Variants in EXD3 observed in about 807,000 individuals in gnomAD.
The protein encoded by EXD3 is exonuclease mut-7 homolog.
EXD3 carries 92 observed loss-of-function variants against 98.0 expected under a neutral mutation model. The ratio of observed to expected loss-of-function variants is 0.94; its 90% CI spans 0.79 to 1.12. The LOEUF is 1.12. Ranked by LOEUF, EXD3 falls within the 50% of genes most tolerant of loss-of-function variation. EXD3 has a pLI of 0.00. For missense variants in EXD3, 1,222 were observed against 1,191.6 expected (o/e 1.03, Z -0.38); for synonymous variants, 569 against 526.0 (o/e 1.08, Z -1.12).
At chr9:137,345,078 C>T (rs2119197101) in intron 17 of EXD3, among the ~76,000 whole-genome samples, 1 of 152,394 alleles carries the variant, frequency 6.6e-6, no homozygotes, top group East Asian at 1.9e-4. Context: ...CACCCAGGTT[C>T]ACCTGACAAA....
At chr9:137,307,914 G>T (rs1831132380) in intron 20 of EXD3, among the ~76,000 whole-genome samples, 1 of 152,100 alleles carries the variant, frequency 6.6e-6, no homozygotes, top group Non-Finnish European at 1.5e-5. Context: ...CGCGAGATCT[G>T]CTGATTAGGG....
chr9:137,399,857 C>T (rs78894175), intron 1 of EXD3, among the ~76,000 whole-genome samples: 10 of 151,846 alleles, frequency 6.6e-5, no homozygotes, highest in African/African-American at 2.2e-4. Flanking sequence ...GCCAACATGG[C>T]GAAACCCTGT....
At chr9:137,383,782 A>G (rs1836446638) in intron 2 of EXD3, among the ~76,000 whole-genome samples, 1 of 151,976 alleles carries the variant, frequency 6.6e-6, no homozygotes, top group South Asian at 2.1e-4. Flanking sequence ...CACCACGAGG[A>G]CCCCAAGCCC....
intron 3 of EXD3, chr9:137,377,224 C>A (rs1310456118): frequency 6.6e-6 from 1 of 152,018 alleles, no homozygotes; most frequent in Non-Finnish European, 1.5e-5. Flanking sequence ...CGAGGCAGGC[C>A]GATGGCTTGA....
intron 1 of EXD3, among the ~76,000 whole-genome samples, chr9:137,420,751 A>G (rs1025014518): frequency 3.2e-5 from 3 of 94,354 alleles, no homozygotes; most frequent in African/African-American, 9.1e-5. Flanking sequence ...CCCCCCCCAA[A>G]TTCATACAGG....
rs905499578 is a variant in EXD3, at chr9:137,330,555, A to C, written c.1999-6412T>G. ...GCTATACAGGAGCTACACAGGAGCTACACAGGGCTCCACAGGAGCTACACA... is the reference window on the plus strand; with the variant it reads ...GCTATACAGGAGCTACACAGGAGCTCCACAGGGCTCCACAGGAGCTACACA... On this transcript the variant is annotated intron_variant, in intron 17 of 21. Transcript: ENST00000340951. 4.4e-5 allele frequency among the ~76,000 whole-genome samples: 6 copies of C among 136,702 alleles called. 1 individual carries two copies. Among genetic ancestry groups the C allele is most frequent in the African/African-American group, 8.7e-5 (3 of 34,386 alleles). 89.7% of individuals were successfully genotyped at this position (136,702 alleles called of 152,430 possible).
At chr9:137,354,126 G>C in intron 10 of EXD3, 1 of 1,405,856 alleles carries the variant, frequency 7.1e-7, no homozygotes, top group South Asian at 1.6e-5. Flanking sequence ...GCCCAGTCAG[G>C]CTCTACTGAT....
In EXD3 at chr9:137,323,791, C is replaced by G. The variant is rs1048416358; in HGVS notation, c.2118G>C (p.Gln706His). ...TGAAATGCTTGAGCACAGCCTTGGC[C>G]TGCTGCTGGGCCTTCAGGGAGCAGT... ...SVDCSLKAQQ[Q>H]AKAVLKHFNV... The change falls in exon 19 of 22, where the codon CAG (glutamine) becomes CAC (histidine). Residue 706 changes from glutamine (Q) to histidine (H), a missense_variant. Physicochemically the swap from Gln to His is conservative, Grantham distance 24. Coordinates refer to ENST00000340951, the MANE Select transcript of EXD3 (RefSeq NM_017820.5). The G allele has an allele frequency of 1.1e-5, 17 of 1,612,266 alleles. No individual in the cohort carries two copies. Among genetic ancestry groups the G allele is most frequent in the Non-Finnish European group, 1.4e-5 (17 of 1,179,768 alleles).
chr9:137,338,218 A>G (rs920020193), intron 17 of EXD3, among the ~76,000 whole-genome samples: 1 of 152,246 alleles, frequency 6.6e-6, no homozygotes, highest in Non-Finnish European at 1.5e-5. Context: ...TAGGTTAGAA[A>G]TCATTTTTAA....
intron 18 of EXD3, 41 bp from the exon 19 acceptor site, chr9:137,323,897 C>T: frequency 1.3e-6 from 2 of 1,572,578 alleles, no homozygotes; most frequent in Non-Finnish European, 1.7e-6. Flanking sequence ...CAGTGCAGAG[C>T]CCAGCACCTG....
chr9:137,323,645 G>T (rs886593693), intron 19 of EXD3, 80 bp downstream of exon 19: 2 of 1,558,656 alleles, frequency 1.3e-6, no homozygotes, highest in Non-Finnish European at 1.7e-6. Context: ...ACTGTCTAGG[G>T]TGGGGCCCAC....
chr9:137,398,713 A>G (rs1445851319), intron 1 of EXD3, among the ~76,000 whole-genome samples: 3 of 110,794 alleles, frequency 2.7e-5, no homozygotes, highest in Non-Finnish European at 6.6e-5. Flanking sequence ...ACACACGTGC[A>G]CCCGCATCCC....
Position 137,352,068 on chromosome 9 carries a change from G to A in EXD3, c.1171C>T (p.Gln391Ter). 3 of 1,610,992 alleles carry A rather than the reference G, an allele frequency of 1.9e-6. No homozygotes were observed. Among genetic ancestry groups the A allele is most frequent in the Non-Finnish European group, 2.5e-6 (3 of 1,179,134 alleles). Residue 391 changes from glutamine to a stop codon, truncating the protein, a stop_gained and splice_region_variant, in exon 12 of 22, where the codon CAG becomes TAG. Coordinates refer to ENST00000340951, the MANE Select transcript of EXD3 (RefSeq NM_017820.5). LOFTEE classifies it high-confidence loss of function. The part of the protein sequence containing the change: ...DLTRHEGALL[Q>*]CHQVVGVDVE... ...GCCCCAGCGGCCGAGGGAACCACCT[G>A]CAGGAGTGCACCCTCGTGTCTGGTC... is the stretch of plus-strand genomic sequence containing the variant.
chr9:137,326,921 C>CA lies in EXD3; in HGVS notation c.1999-2779dup, dbSNP rs745947542. On this transcript the variant is annotated intron_variant, in intron 17 of 21. Coordinates refer to ENST00000340951, the MANE Select transcript of EXD3 (RefSeq NM_017820.5). ...CATCAGTGTTCGTAGCAGCCACATT[C>CA]AAAAAAAAAAAGGAAGGACGTTCCG... is the stretch of plus-strand genomic sequence containing the variant. 6.8e-3 allele frequency among the ~76,000 whole-genome samples: 955 copies of CA among 140,846 alleles called. 4 individuals carry two copies. Among genetic ancestry groups the CA allele is most frequent in the Middle Eastern group, 0.011 (3 of 282 alleles). The allele number at this position is 140,846 out of a possible 152,430, so 92.4% of individuals were successfully genotyped here.
chr9:137,415,799 A>T (rs752647908), intron 1 of EXD3, among the ~76,000 whole-genome samples: 1 of 152,252 alleles, frequency 6.6e-6, no homozygotes, highest in African/African-American at 2.4e-5. Flanking sequence ...AATGATAAAC[A>T]GCATTTAAAA....
intron 19 of EXD3, among the ~76,000 whole-genome samples, chr9:137,316,185 T>G (rs1449905001): frequency 1.3e-5 from 2 of 150,010 alleles, no homozygotes; most frequent in African/African-American, 2.5e-5. Context: ...CGTGGGAAAG[T>G]GGGAGGAGGG....
At position 137,327,600 on chromosome 9, in the gene EXD3, CAG is replaced by C. The variant is rs1050882455; in HGVS notation, c.1999-3459_1999-3458del. ...ACAAAAAGAAAGAAAAAAAGGGAAA[CAG>C]AAAGTAGTTACTTCGTGGTAATAAC... is the stretch of plus-strand genomic sequence containing the variant. On this transcript the variant is annotated intron_variant, in intron 17 of 21. Coordinates refer to ENST00000340951, the MANE Select transcript of EXD3 (RefSeq NM_017820.5). Among the ~76,000 whole-genome samples the C allele has an allele frequency of 4.6e-5, 7 of 151,920 alleles. No homozygotes were observed. The East Asian group carries it at 9.7e-4, about 21-fold the overall frequency.
intron 17 of EXD3, among the ~76,000 whole-genome samples, chr9:137,326,399 G>T (rs971415552): frequency 4.6e-5 from 7 of 152,158 alleles, no homozygotes; most frequent in African/African-American, 1.7e-4. Context: ...GGTGCCTTAC[G>T]CCTGTAATCC....
intron 17 of EXD3, among the ~76,000 whole-genome samples, chr9:137,346,384 C>T (rs1055773504): frequency 1.3e-5 from 2 of 151,970 alleles, no homozygotes; most frequent in Non-Finnish European, 2.9e-5. Flanking sequence ...ATTCCGCCCT[C>T]TCCATGAAGA....
Sources: allele counts gnomAD v4.1 joint callset (sites outside exome capture counted in the v4.1 genomes callset), GRCh38; gene constraint gnomAD v4.1.1; transcripts MANE v1.5; gene names NCBI Gene and HGNC (gene_info 2026-07-23, HGNC 2026-07-21).